Variants in STXBP3 observed in about 807,000 individuals in gnomAD.
STXBP3 encodes the protein syntaxin binding protein 3.
A neutral mutation model predicts 85.7 loss-of-function variants in STXBP3; 41 were observed. The ratio of observed to expected loss-of-function variants is 0.48; its 90% CI spans 0.37 to 0.62. The LOEUF is 0.62. STXBP3 is among the 20% of genes least tolerant of loss of function. The pLI, the probability that STXBP3 is intolerant of heterozygous loss-of-function variation, is 0.00. For synonymous variants in STXBP3, 229 were observed against 231.7 expected (o/e 0.99, Z 0.10); for missense variants, 563 against 703.1 (o/e 0.80, Z 2.25).
At chr1:108,785,318 C>T (rs1662802067) in intron 11 of STXBP3, among the ~76,000 whole-genome samples, 1 of 152,222 alleles carries the variant, frequency 6.6e-6, no homozygotes, top group Admixed American at 6.5e-5. Context: ...CAGTTCTTGA[C>T]TTCTATGCAC....
intron 17 of STXBP3, among the ~76,000 whole-genome samples, chr1:108,801,972 T>C (rs1663242266): frequency 6.6e-6 from 1 of 152,086 alleles, no homozygotes; most frequent in Admixed American, 6.5e-5. Flanking sequence ...GCCAGCCCTT[T>C]TTTCCCTCAT....
intron 6 of STXBP3, among the ~76,000 whole-genome samples, chr1:108,770,859 T>G (rs994165322): frequency 2.0e-5 from 3 of 152,102 alleles, no homozygotes; most frequent in African/African-American, 7.2e-5. Flanking sequence ...AATGTATCTG[T>G]GAGGTTTTGC....
At chr1:108,766,695 G>C in intron 6 of STXBP3, 1 of 164,664 alleles carries the variant, frequency 6.1e-6, no homozygotes, top group South Asian at 1.5e-4. Context: ...AGTTGAGTTG[G>C]GAGGACCTTC....
chr1:108,782,942 A>T (rs1025063453), intron 11 of STXBP3, among the ~76,000 whole-genome samples: 1 of 152,192 alleles, frequency 6.6e-6, no homozygotes, highest in Non-Finnish European at 1.5e-5. Flanking sequence ...TCACTCTGCC[A>T]TGCAGGCTGG....
chr1:108,793,156 CATTTTT>C (rs1663012170), intron 11 of STXBP3, among the ~76,000 whole-genome samples: 2 of 69,332 alleles, frequency 2.9e-5, no homozygotes, highest in Non-Finnish European at 5.4e-5. Context: ...CTCTTATCTC[CATTTTT>C]TTTTTTTTTT....
chr1:108,802,107 T>G (rs1008092228), intron 17 of STXBP3, among the ~76,000 whole-genome samples: 3 of 152,046 alleles, frequency 2.0e-5, no homozygotes, highest in Admixed American at 1.3e-4. Flanking sequence ...CTTATTAAAT[T>G]TCTACCTGGC....
At chr1:108,794,797 T>G in intron 12 of STXBP3, 30 bp from the exon 13 acceptor site, 1 of 1,590,904 alleles carries the variant, frequency 6.3e-7, no homozygotes, top group Non-Finnish European at 8.6e-7. Context: ...ATTAAAATCC[T>G]TTAAATGATT....
intron 17 of STXBP3, among the ~76,000 whole-genome samples, chr1:108,803,769 C>T (rs563600857): frequency 2.5e-4 from 38 of 152,252 alleles, no homozygotes; most frequent in African/African-American, 8.4e-4. Flanking sequence ...TACAGGTGTG[C>T]GCCACTACGC....
chr1:108,756,809 C>A, intron 4 of STXBP3, 43 bp downstream of exon 4: 2 of 1,429,210 alleles, frequency 1.4e-6, no homozygotes, highest in Non-Finnish European at 1.9e-6. Context: ...ATCAATATTT[C>A]ACCATTGTTA....
At chr1:108,748,355 T>G (rs1477863033) in intron 1 of STXBP3, among the ~76,000 whole-genome samples, 1 of 152,030 alleles carries the variant, frequency 6.6e-6, no homozygotes, top group Non-Finnish European at 1.5e-5. Context: ...ACCCCATCTC[T>G]ACAAAAAAAT....
intron 6 of STXBP3, among the ~76,000 whole-genome samples, chr1:108,769,921 G>A (rs1191604758): frequency 2.0e-5 from 3 of 152,158 alleles, no homozygotes; most frequent in Admixed American, 1.3e-4. Context: ...GGACATAGCC[G>A]AGGGAAAAGA....
At chr1:108,808,319 C>T (rs1028152344) in intron 18 of STXBP3, among the ~76,000 whole-genome samples, 3 of 152,034 alleles carry the variant, frequency 2.0e-5, no homozygotes, top group Admixed American at 6.6e-5. Context: ...TGAAACCAGC[C>T]TGGGCAATAA....
chr1:108,765,976 C>A lies in STXBP3; in HGVS notation c.438+5891C>A, dbSNP rs142935052. On this transcript the variant is annotated intron_variant, in intron 6 of 18. Coordinates refer to ENST00000370008, the MANE Select transcript of STXBP3 (RefSeq NM_007269.4). The stretch of plus-strand genomic sequence containing the variant: ...CAAGCGATTTTCCTGATTCAGCCTC[C>A]CGAGTAGCTGGGATTACAGGCATGT... Among the ~76,000 whole-genome samples, 1,023 of 151,576 alleles carry A rather than the reference C, an allele frequency of 6.7e-3. 12 individuals carry two copies. The highest frequency in any genetic ancestry group is 0.024 in the African/African-American group (978 of 41,234).
chr1:108,799,659 T>TA (rs917803006), intron 16 of STXBP3, among the ~76,000 whole-genome samples: 14 of 151,628 alleles, frequency 9.2e-5, no homozygotes, highest in East Asian at 1.9e-4. Flanking sequence ...CACCTAACCA[T>TA]AAAAAAAATG....
Position 108,772,729 on chromosome 1 carries a change from A to G in STXBP3, c.503A>G (p.Lys168Arg). ...YCYSPDPGNA[K>R]GKDAIMETMA... ...TATAGTCCAGACCCTGGTAATGCAAAGGGAAAAGATGCCATTATGGAAACA... is the reference window on the plus strand; with the variant it reads ...TATAGTCCAGACCCTGGTAATGCAAGGGGAAAAGATGCCATTATGGAAACA... The change falls in exon 7 of 19, where the codon AAG becomes AGG. Residue 168 changes from lysine to arginine, a missense_variant. Transcript: ENST00000370008. 6.2e-7 allele frequency: 1 copy of G among 1,604,042 alleles called. No homozygotes were observed. Among genetic ancestry groups the G allele is most frequent in the East Asian group, 2.3e-5 (1 of 44,008 alleles).
chr1:108,759,721 A>G (rs1180908732), intron 5 of STXBP3, among the ~76,000 whole-genome samples: 1 of 152,152 alleles, frequency 6.6e-6, no homozygotes, highest in East Asian at 1.9e-4. Context: ...TAACAATTTC[A>G]GTTTGCTCTG....
intron 17 of STXBP3, among the ~76,000 whole-genome samples, chr1:108,807,122 C>T (rs1339253770): frequency 2.0e-5 from 3 of 152,034 alleles, no homozygotes; most frequent in Non-Finnish European, 2.9e-5. Flanking sequence ...CATGGTGGCA[C>T]ATGCCTGTAA....
chr1:108,780,046 A>G (rs1407083686), intron 9 of STXBP3: 1 of 152,150 alleles, frequency 6.6e-6, no homozygotes, highest in African/African-American at 2.4e-5. Flanking sequence ...TACAAATGTT[A>G]TTTGATGTCA....
chr1:108,781,538 A>G (rs1212073366), intron 9 of STXBP3: 1 of 152,142 alleles, frequency 6.6e-6, no homozygotes. Context: ...AGCTATCACA[A>G]TTTTTATGGC....
Sources: allele counts gnomAD v4.1 joint callset (sites outside exome capture counted in the v4.1 genomes callset), GRCh38; gene constraint gnomAD v4.1.1; transcripts MANE v1.5; gene names NCBI Gene and HGNC (gene_info 2026-07-23, HGNC 2026-07-21).